ACOXL: variants seen among roughly 807,000 people sequenced by gnomAD.
ACOXL encodes acyl-coenzyme A oxidase-like protein.
Under a neutral mutation model 71.9 loss-of-function variants are expected in ACOXL, and 70 were observed. That is an observed-to-expected ratio of 0.97 (90% CI 0.80 to 1.19). The LOEUF is 1.19. ACOXL is among the 50% of genes most tolerant of loss of function. The pLI is 0.00. For missense variants in ACOXL, 703 were observed against 736.3 expected (o/e 0.95, Z 0.52); for synonymous variants, 253 against 281.6 (o/e 0.90, Z 1.02).
At chr2:110,842,103 C>T (rs80352632) in intron 10 of ACOXL, among the ~76,000 whole-genome samples, 1,806 of 152,274 alleles carry the variant, frequency 0.012, 19 homozygotes, top group Middle Eastern at 0.058. Flanking sequence ...CAGCTGCCCA[C>T]AGACAACCTA....
At chr2:110,881,350 C>G (rs899191547) in intron 10 of ACOXL, among the ~76,000 whole-genome samples, 7 of 151,984 alleles carry the variant, frequency 4.6e-5, no homozygotes, top group Non-Finnish European at 7.4e-5. Context: ...GTCTGATGCT[C>G]TTTAGGGATA....
intron 10 of ACOXL, among the ~76,000 whole-genome samples, chr2:110,874,777 T>C (rs1695699905): frequency 6.6e-6 from 1 of 152,172 alleles, no homozygotes; most frequent in African/African-American, 2.4e-5. Flanking sequence ...TTGGGTTTAT[T>C]ATTCGCATCA....
chr2:110,861,908 T>C (rs935180532), intron 10 of ACOXL, among the ~76,000 whole-genome samples: 2 of 152,188 alleles, frequency 1.3e-5, no homozygotes, highest in Admixed American at 1.3e-4. Context: ...GAATTGTCCA[T>C]GTAGTGTCGT....
At position 111,048,242 on chromosome 2, in the gene ACOXL, T is replaced by C. The variant is rs113695334; in HGVS notation, c.1370-976T>C. Among the ~76,000 whole-genome samples, 12 of 152,276 alleles carry C rather than the reference T, an allele frequency of 7.9e-5. 1 individual carries two copies. The highest frequency in any genetic ancestry group is 2.9e-4 in the African/African-American group (12 of 41,558). The stretch of plus-strand genomic sequence containing the variant: ...GGCTGGATGGGTGGGCTTGGGATGT[T>C]CAGTTGGAGGACTGAGTTTTGCTCT... On this transcript the variant is annotated intron_variant, in intron 15 of 17. Transcript: ENST00000439055.
Position 111,117,825 on chromosome 2 carries a change from G to A in ACOXL, c.*9G>A. The A allele has an allele frequency of 6.5e-7, 1 of 1,544,392 alleles. No homozygotes were observed. ...TGGGAGCCAAGCTCTAACGGGTGTG[G>A]CGGGAAGTGTGGTGGCCCGCCAGCA... On this transcript the variant is annotated 3_prime_UTR_variant, in exon 18 of 18. Transcript: ENST00000439055.
At chr2:110,852,305 T>C (rs1409901493) in intron 10 of ACOXL, among the ~76,000 whole-genome samples, 1 of 152,150 alleles carries the variant, frequency 6.6e-6, no homozygotes, top group Non-Finnish European at 1.5e-5. Context: ...TGCTCGTATT[T>C]CTGTTGAGAG....
chr2:110,771,640 A>G (rs777867679), intron 2 of ACOXL, among the ~76,000 whole-genome samples: 5 of 152,250 alleles, frequency 3.3e-5, no homozygotes, highest in Non-Finnish European at 5.9e-5. Context: ...TTTAAAGCGA[A>G]AAAACAATAT....
chr2:110,787,407 G>T (rs1390915030), intron 3 of ACOXL, among the ~76,000 whole-genome samples: 1 of 151,642 alleles, frequency 6.6e-6, no homozygotes, highest in African/African-American at 2.4e-5. Flanking sequence ...GGTGGCAGAC[G>T]CCTGTAGTCC....
At chr2:110,777,360 C>T (rs1682785275) in intron 2 of ACOXL, among the ~76,000 whole-genome samples, 1 of 152,164 alleles carries the variant, frequency 6.6e-6, no homozygotes, top group Non-Finnish European at 1.5e-5. Flanking sequence ...AAGCATTTTA[C>T]ATACATTACT....
chr2:110,798,883 T>C, intron 6 of ACOXL, 131 bp from the exon 7 acceptor site: 1 of 1,145,742 alleles, frequency 8.7e-7, no homozygotes, highest in Non-Finnish European at 1.3e-6. Context: ...TTTGACATTA[T>C]ATGCTCTCAT....
At chr2:110,973,671 G>T (rs1198214882) in intron 12 of ACOXL, among the ~76,000 whole-genome samples, 2 of 152,202 alleles carry the variant, frequency 1.3e-5, no homozygotes, top group African/African-American at 4.8e-5. Flanking sequence ...ACAGCTGGAG[G>T]TGGGGTTGTT....
chr2:110,991,537 G>A (rs1310782938), intron 13 of ACOXL, among the ~76,000 whole-genome samples: 1 of 151,738 alleles, frequency 6.6e-6, no homozygotes, highest in Non-Finnish European at 1.5e-5. Context: ...CAAACCAAAA[G>A]TATTGAACTA....
intron 16 of ACOXL, among the ~76,000 whole-genome samples, chr2:111,070,193 A>T (rs2067274077): frequency 6.6e-6 from 1 of 152,216 alleles, no homozygotes; most frequent in Non-Finnish European, 1.5e-5. Context: ...ATAAAGGCAC[A>T]TGCACGTAAA....
intron 11 of ACOXL, among the ~76,000 whole-genome samples, chr2:110,916,970 C>T (rs2059884791): frequency 1.3e-5 from 2 of 152,150 alleles, no homozygotes; most frequent in Admixed American, 1.3e-4. Context: ...CCAAATTCTA[C>T]CAGAGGTACA....
chr2:111,111,267 T>C (rs1416879004), intron 17 of ACOXL, among the ~76,000 whole-genome samples: 3 of 151,944 alleles, frequency 2.0e-5, no homozygotes, highest in African/African-American at 7.3e-5. Flanking sequence ...TCTCGGCTAA[T>C]TTTTGTATTT....
At chr2:110,992,118 C>T (rs1326792079) in intron 13 of ACOXL, among the ~76,000 whole-genome samples, 1 of 152,172 alleles carries the variant, frequency 6.6e-6, no homozygotes, top group African/African-American at 2.4e-5. Context: ...ATATCCCTAG[C>T]ACATTTTCCA....
At position 110,996,850 on chromosome 2, in the gene ACOXL, A is replaced by T. The variant is rs1417125155; in HGVS notation, c.1281+846A>T. On this transcript the variant is annotated intron_variant, in intron 14 of 17. Coordinates refer to ENST00000439055, the MANE Select transcript of ACOXL (RefSeq NM_001142807.4). ...TATTCTCTTAGGAAATGCTTTGGAA[A>T]CAGAAGTGCCCTGGAAGCAGAAAGC... Among the ~76,000 whole-genome samples the T allele has an allele frequency of 4.6e-5, 7 of 152,318 alleles. No individual in the cohort carries two copies. In the East Asian group the frequency reaches 1.2e-3, roughly 25 times the overall value.
intron 9 of ACOXL, among the ~76,000 whole-genome samples, chr2:110,822,843 C>T (rs925331355): frequency 6.6e-6 from 1 of 152,210 alleles, no homozygotes; most frequent in Non-Finnish European, 1.5e-5. Context: ...TACCTTTGGC[C>T]ACCCCAATCT....
chr2:111,087,077 C>T (rs376809734), intron 16 of ACOXL, among the ~76,000 whole-genome samples: 2 of 152,026 alleles, frequency 1.3e-5, no homozygotes, highest in African/African-American at 2.4e-5. Flanking sequence ...AAGAAAATAC[C>T]TAGAAATACA....
Sources: gnomAD v4.1 joint callset for allele counts (sites outside exome capture counted in the v4.1 genomes callset) on GRCh38, gnomAD v4.1.1 for gene constraint, MANE v1.5 for transcripts, NCBI Gene and HGNC (gene_info 2026-07-23, HGNC 2026-07-21) for gene names.